The following PRLR variants were observed in gnomAD, a reference collection of about 807,000 sequenced individuals.
PRLR encodes the protein prolactin receptor, also known as hPRL receptor.
A neutral mutation model predicts 40.2 loss-of-function variants in PRLR; 13 were observed. The ratio of observed to expected loss-of-function variants is 0.32; its 90% CI spans 0.21 to 0.51. The LOEUF is 0.51. Ranked by LOEUF, PRLR falls within the 20% of genes least tolerant of loss-of-function variation. PRLR has a pLI of 0.97. For synonymous variants in PRLR, 269 were observed against 278.7 expected (o/e 0.97, Z 0.35); for missense variants, 656 against 747.3 (o/e 0.88, Z 1.42).
At chr5:35,151,053 T>A (rs2111862708) in intron 1 of PRLR, among the ~76,000 whole-genome samples, 1 of 152,278 alleles carries the variant, frequency 6.6e-6, no homozygotes, top group East Asian at 1.9e-4. Context: ...CACGAGGCAA[T>A]ATCTCTGAGG....
chr5:35,081,925 A>G (rs529175735), intron 5 of PRLR: 1 of 202,872 alleles, frequency 4.9e-6, no homozygotes, highest in East Asian at 1.2e-4. Flanking sequence ...TGTCAAGCCC[A>G]TTTCCTGGTA....
intron 1 of PRLR, among the ~76,000 whole-genome samples, chr5:35,157,568 T>G (rs1025932584): frequency 3.3e-5 from 5 of 152,214 alleles, no homozygotes; most frequent in African/African-American, 1.2e-4. Flanking sequence ...GGTTATGGCA[T>G]GTCCACACTG....
intron 5 of PRLR, among the ~76,000 whole-genome samples, chr5:35,083,198 G>A (rs1022482025): frequency 7.2e-5 from 11 of 151,934 alleles, no homozygotes; most frequent in Admixed American, 2.6e-4. Context: ...GCCCCTCAGC[G>A]CAACTGAGGT....
chr5:35,087,699 C>T (rs37385), intron 3 of PRLR, among the ~76,000 whole-genome samples: 38,940 of 151,830 alleles, frequency 0.26, 8,862 homozygotes, highest in African/African-American at 0.61. Flanking sequence ...GAAAATATAA[C>T]ACCAAGAGTG....
intron 5 of PRLR, among the ~76,000 whole-genome samples, chr5:35,073,996 G>C (rs978298539): frequency 1.3e-5 from 2 of 152,174 alleles, no homozygotes; most frequent in Non-Finnish European, 2.9e-5. Context: ...TCCTCAAAAA[G>C]TCAAACTTAG....
rs147007195 is a variant in PRLR, at chr5:35,138,399, A to G, written c.-105-20277T>C. 5.2e-3 allele frequency among the ~76,000 whole-genome samples: 785 copies of G among 152,384 alleles called. 6 individuals carry two copies. Among genetic ancestry groups the G allele is most frequent in the African/African-American group, 0.018 (734 of 41,586 alleles). ...AAGAAAATGTCATCATGGTAAAACC[A>G]CAACATTTTCATTGAGGAGATGGGC... On this transcript the variant is annotated intron_variant, in intron 1 of 9. Coordinates refer to ENST00000618457, the MANE Select transcript of PRLR (RefSeq NM_000949.7).
intron 1 of PRLR, among the ~76,000 whole-genome samples, chr5:35,206,136 G>A (rs2111624201): frequency 6.6e-6 from 1 of 152,194 alleles, no homozygotes. Context: ...AGAGTGCTGG[G>A]TTAGATTAAA....
chr5:35,053,153 T>C (rs190316961), downstream of PRLR, among the ~76,000 whole-genome samples: 1 of 152,274 alleles, frequency 6.6e-6, no homozygotes, highest in African/African-American at 2.4e-5. Flanking sequence ...AGGATGCCCA[T>C]AACACGTTTC....
intron 3 of PRLR, among the ~76,000 whole-genome samples, chr5:35,089,298 C>G (rs249538): frequency 0.11 from 17,006 of 152,182 alleles, 1,202 homozygotes; most frequent in East Asian, 0.21. Flanking sequence ...CAGGTCCTGT[C>G]TTCTTCAGAG....
At chr5:35,076,136 T>A (rs112524273) in intron 5 of PRLR, among the ~76,000 whole-genome samples, 8 of 152,068 alleles carry the variant, frequency 5.3e-5, no homozygotes, top group African/African-American at 1.9e-4. Flanking sequence ...GCACCTCTTC[T>A]CCTCCAAAGG....
chr5:35,214,962 C>T (rs1442394035), intron 1 of PRLR, among the ~76,000 whole-genome samples: 2 of 152,150 alleles, frequency 1.3e-5, no homozygotes, highest in African/African-American at 4.8e-5. Context: ...CTCCTAGATC[C>T]CTGCTGATGC....
chr5:35,137,698 G>A (rs1479525241), intron 1 of PRLR, among the ~76,000 whole-genome samples: 1 of 152,204 alleles, frequency 6.6e-6, no homozygotes, highest in African/African-American at 2.4e-5. Context: ...AAAGAGATAT[G>A]GAAATGACAC....
chr5:35,144,811 C>T (rs781669263), intron 1 of PRLR, among the ~76,000 whole-genome samples: 1 of 152,022 alleles, frequency 6.6e-6, no homozygotes, highest in Non-Finnish European at 1.5e-5. Flanking sequence ...CACTGTGTTG[C>T]CCAGGCTGAA....
In PRLR at chr5:35,086,235, T is replaced by C. The variant is rs1579613122; in HGVS notation, c.176A>G (p.Asn59Ser). The change falls in exon 4 of 10, where the codon AAT (asparagine) becomes AGT (serine). Residue 59 changes from asparagine to serine, a missense_variant. Physicochemically the swap from Asn to Ser is conservative, Grantham distance 46. Coordinates refer to ENST00000618457, the MANE Select transcript of PRLR (RefSeq NM_000949.7). ...RPGTDGGLPT[N>S]YSLTYHREGE... ...TTCCCTGTGGTAAGTCAGTGAATAA[T>C]TGGTAGGAAGTCCTCCATCTGTCCC... 1 of 1,613,976 alleles carries C rather than the reference T, an allele frequency of 6.2e-7. No homozygotes were observed. The highest frequency in any genetic ancestry group is 2.2e-5 in the East Asian group (1 of 44,882).
In PRLR at chr5:35,072,646, C is replaced by A; in HGVS notation, c.472G>T (p.Asp158Tyr). The change falls in exon 6 of 10, where the codon GAC becomes TAC. Residue 158 changes from aspartate (D) to tyrosine (Y), a missense_variant. Asp to Tyr is a radical substitution (Grantham distance 160). Around this residue, in one of 3 missense-constraint regions of PRLR, gnomAD observed 180 missense variants for 236.8 expected, o/e 0.76. Transcript: ENST00000618457. The stretch of plus-strand genomic sequence containing the variant: ...AGCGTGAACCAACCAGTTTTTAAGT[C>A]AATCAGGGTAGGTGGAGACCATTTA... ...WIKWSPPTLI[D>Y]LKTGWFTLLY... The A allele has an allele frequency of 6.2e-7, 1 of 1,614,132 alleles. No individual in the cohort carries two copies. Among genetic ancestry groups the A allele is most frequent in the Non-Finnish European group, 8.5e-7 (1 of 1,179,998 alleles).
intron 1 of PRLR, among the ~76,000 whole-genome samples, chr5:35,169,249 A>T (rs1774931273): frequency 6.6e-6 from 1 of 152,152 alleles, no homozygotes; most frequent in South Asian, 2.1e-4. Context: ...TATTATCCAT[A>T]TCTAGATATG....
chr5:35,216,249 C>A (rs1227557491), intron 1 of PRLR, among the ~76,000 whole-genome samples: 2 of 152,206 alleles, frequency 1.3e-5, no homozygotes, highest in Admixed American at 1.3e-4. Context: ...ACATTTCCAC[C>A]AACAGAGACT....
rs938155520 is a variant in PRLR, at chr5:35,118,074, G to A, written c.-57C>T. On this transcript the variant is annotated 5_prime_UTR_variant, in exon 2 of 10. Coordinates refer to ENST00000618457, the MANE Select transcript of PRLR (RefSeq NM_000949.7). The stretch of plus-strand genomic sequence containing the variant: ...AGTCCCCCTTACCTTCAGGGTTCAT[G>A]TGGAAAGCATCCTCAGTGTTCGCCT... 25 of 985,468 alleles carry A rather than the reference G, an allele frequency of 2.5e-5. No individual in the cohort carries two copies. Among genetic ancestry groups the A allele is most frequent in the Non-Finnish European group, 3.0e-5 (25 of 829,716 alleles). 61.0% of individuals were successfully genotyped at this position (985,468 alleles called of 1,614,324 possible).
At chr5:35,131,226 G>C (rs1048313610) in intron 1 of PRLR, among the ~76,000 whole-genome samples, 4 of 152,152 alleles carry the variant, frequency 2.6e-5, no homozygotes, top group African/African-American at 9.7e-5. Flanking sequence ...AAAAAAGTTG[G>C]ATGGTATGGG....
Sources: gnomAD v4.1 joint callset for allele counts (sites outside exome capture counted in the v4.1 genomes callset) on GRCh38, gnomAD v4.1.1 for gene constraint, gnomAD v4.1.1 regional missense constraint, MANE v1.5 for transcripts, NCBI Gene and HGNC (gene_info 2026-07-23, HGNC 2026-07-21) for gene names.